ANKRD30BL: variants seen among roughly 807,000 people sequenced by gnomAD.
ANKRD30BL encodes putative ankyrin repeat domain-containing protein 30B-like.
Under a neutral mutation model 18.4 loss-of-function variants are expected in ANKRD30BL, and 20 were observed. The ratio of observed to expected loss-of-function variants is 1.09; its 90% CI spans 0.77 to 1.58. The LOEUF (loss-of-function observed/expected upper bound fraction) is 1.58, where lower values mean the gene tolerates loss of function less well. ANKRD30BL is among the 40% of genes most tolerant of loss of function. The pLI is 0.00. For missense variants in ANKRD30BL, 224 were observed against 268.6 expected, an observed-to-expected ratio of 0.83 and a Z score of 1.16; for synonymous variants, 72 against 100.9, an observed-to-expected ratio of 0.71 and a Z score of 1.72.
intron 1 of ANKRD30BL, among the ~76,000 whole-genome samples, chr2:132,246,148 A>C (rs1486472728): frequency 6.6e-6 from 1 of 151,996 alleles, no homozygotes; most frequent in Non-Finnish European, 1.5e-5. Flanking sequence ...ACTACACAGA[A>C]GCATTCTCCG....
intron 1 of ANKRD30BL, among the ~76,000 whole-genome samples, chr2:132,184,703 C>CTT (rs76215687): frequency 2.7e-5 from 4 of 148,174 alleles, no homozygotes; most frequent in African/African-American, 4.9e-5. Context: ...TATATCTTTC[C>CTT]TTTTTTTTTT....
chr2:132,236,330 T>G (rs1460163494), intron 1 of ANKRD30BL, among the ~76,000 whole-genome samples: 1 of 151,942 alleles, frequency 6.6e-6, no homozygotes, highest in Non-Finnish European at 1.5e-5. Flanking sequence ...AAAGACAAAA[T>G]TGACAAATGG....
intron 1 of ANKRD30BL, among the ~76,000 whole-genome samples, chr2:132,198,785 T>G (rs1365966017): frequency 6.6e-6 from 1 of 151,990 alleles, no homozygotes; most frequent in Non-Finnish European, 1.5e-5. Flanking sequence ...GCACAGCTAA[T>G]TTTTGCATTT....
chr2:132,225,016 T>C (rs371378207), intron 1 of ANKRD30BL, among the ~76,000 whole-genome samples: 1 of 152,018 alleles, frequency 6.6e-6, no homozygotes, highest in Admixed American at 6.6e-5. Context: ...TCTTAGAAAC[T>C]TCTGTGTGCT....
chr2:132,225,115 G>T (rs1038108384), intron 1 of ANKRD30BL, among the ~76,000 whole-genome samples: 1 of 151,984 alleles, frequency 6.6e-6, no homozygotes, highest in Non-Finnish European at 1.5e-5. Flanking sequence ...TGGATATTTG[G>T]ACCGCTTTGA....
chr2:132,178,308 C>A lies in ANKRD30BL; in HGVS notation n.442-21162G>T, dbSNP rs867105655. On this transcript the variant is annotated intron_variant and non_coding_transcript_variant, in intron 1 of 4. Coordinates refer to the ANKRD30BL transcript ENST00000470729. ...CATATACAATAAAGTCTGTGGGAAC[C>A]AAAGGATATGTCAATGAGTTCCAAT... Among the ~76,000 whole-genome samples the A allele has an allele frequency of 2.6e-5, 4 of 152,208 alleles. No homozygotes were observed. The South Asian group carries it at 6.2e-4, about 24-fold the overall frequency.
intron 1 of ANKRD30BL, among the ~76,000 whole-genome samples, chr2:132,249,676 T>C (rs57789457): frequency 2.0e-5 from 3 of 151,806 alleles, no homozygotes; most frequent in Non-Finnish European, 2.9e-5. Flanking sequence ...TCCAAGTGCT[T>C]GCAAATATCC....
At chr2:132,163,794 C>T (rs957692972), upstream of ANKRD30BL, among the ~76,000 whole-genome samples, 9 of 152,220 alleles carry the variant, frequency 5.9e-5, no homozygotes, top group Non-Finnish European at 1.3e-4. Context: ...CAGGGCCCAA[C>T]TCCTGGATCC....
At chr2:132,249,021 G>T (rs200503591) in intron 1 of ANKRD30BL, among the ~76,000 whole-genome samples, 5,485 of 94,534 alleles carry the variant, frequency 0.058, no homozygotes, top group Non-Finnish European at 0.064. Flanking sequence ...CACAAGAAAA[G>T]AGTTTCCCAT....
chr2:132,218,182 A>T (rs1248648961), intron 1 of ANKRD30BL, among the ~76,000 whole-genome samples: 1 of 152,298 alleles, frequency 6.6e-6, no homozygotes, highest in Non-Finnish European at 1.5e-5. Flanking sequence ...TTCAACTCAC[A>T]GAGTTGAACG....
chr2:132,191,177 A>C (rs1181865341), intron 1 of ANKRD30BL, among the ~76,000 whole-genome samples: 1 of 152,182 alleles, frequency 6.6e-6, no homozygotes. Context: ...TTGTAATAAT[A>C]AACTTTTATA....
intron 5 of ANKRD30BL, among the ~76,000 whole-genome samples, 160 bp from the exon 6 acceptor site, chr2:132,148,388 CAA>C (rs1231177176): frequency 1.9e-4 from 9 of 47,436 alleles, no homozygotes; most frequent in African/African-American, 6.1e-4. Flanking sequence ...TTTTTTGAGA[CAA>C]GAGCCTCGCT....
chr2:132,186,078 T>A (rs1474810121), intron 1 of ANKRD30BL, among the ~76,000 whole-genome samples: 1 of 151,278 alleles, frequency 6.6e-6, no homozygotes, highest in African/African-American at 2.4e-5. Context: ...GAGGCAGAGG[T>A]TGCAGTGAGC....
At chr2:132,197,787 A>G (rs546262636) in intron 1 of ANKRD30BL, among the ~76,000 whole-genome samples, 25 of 152,038 alleles carry the variant, frequency 1.6e-4, no homozygotes, top group Admixed American at 1.6e-3. Context: ...TTTATTTGAA[A>G]GGAACAGTGT....
chr2:132,179,577 C>T (rs960090759), intron 1 of ANKRD30BL, among the ~76,000 whole-genome samples: 3 of 152,150 alleles, frequency 2.0e-5, no homozygotes, highest in Admixed American at 1.3e-4. Context: ...GTATGAGCCA[C>T]CATGCCTGGC....
At chr2:132,221,051 G>A (rs1299985950) in intron 1 of ANKRD30BL, among the ~76,000 whole-genome samples, 27 of 148,362 alleles carry the variant, frequency 1.8e-4, no homozygotes, top group South Asian at 6.4e-4. Flanking sequence ...CTGCCCGGCC[G>A]CCCCGTCTGA....
rs563545920 is a variant in ANKRD30BL at position 132,251,131 on chromosome 2, C to T, written n.441+6398G>A. ...TCTTTGAAGTGAAAGTCTGCTATGA[C>T]TTTCAACTTTCTTTTGAAATAATTA... is the stretch of plus-strand genomic sequence containing the variant. On this transcript the variant is annotated intron_variant and non_coding_transcript_variant, in intron 1 of 4. Coordinates refer to the ANKRD30BL transcript ENST00000470729. 7.5e-3 allele frequency among the ~76,000 whole-genome samples: 1,138 copies of T among 152,256 alleles called. 8 individuals are homozygous for T. Among genetic ancestry groups the T allele is most frequent in the African/African-American group, 0.025 (1,054 of 41,542 alleles).
At chr2:132,202,416 G>GAC (rs200317801) in intron 1 of ANKRD30BL, among the ~76,000 whole-genome samples, 26,092 of 134,920 alleles carry the variant, frequency 0.19, 4,865 homozygotes, top group African/African-American at 0.52. Context: ...GACTCATAAA[G>GAC]ACACTTCATT....
chr2:132,242,576 T>C lies in ANKRD30BL; in HGVS notation n.441+14953A>G, dbSNP rs1251901923. On this transcript the variant is annotated intron_variant and non_coding_transcript_variant, in intron 1 of 4. Transcript: ENST00000470729. ...AACTAGACAGAAGAATTCTCAGAAA[T>C]ATCTTCATGATGTGTGTACTCAACT... Among the ~76,000 whole-genome samples, 17 of 151,320 alleles carry C rather than the reference T, an allele frequency of 1.1e-4. No homozygotes were observed. The East Asian group carries it at 3.3e-3, about 29-fold the overall frequency.
Sources: allele counts gnomAD v4.1 joint callset (sites outside exome capture counted in the v4.1 genomes callset), GRCh38; gene constraint gnomAD v4.1.1; transcripts MANE v1.5; gene names NCBI Gene and HGNC (gene_info 2026-07-23, HGNC 2026-07-21).